ERRFI1: variants seen among roughly 807,000 people sequenced by gnomAD.
ERRFI1 encodes ERBB receptor feedback inhibitor 1.
ERRFI1 carries 12 observed loss-of-function variants against 14.6 expected under a neutral mutation model. That is an observed-to-expected ratio of 0.82 (90% CI 0.53 to 1.33). The LOEUF is 1.33. Among genes scored for constraint, ERRFI1 ranks in the 40% most tolerant of loss-of-function variants. ERRFI1 has a pLI of 0.00. For missense variants in ERRFI1, 482 were observed against 572.1 expected, an observed-to-expected ratio of 0.84 and a Z score of 1.61; for synonymous variants, 202 against 209.9, an observed-to-expected ratio of 0.96 and a Z score of 0.32.
chr1:8,017,771 T>C (rs1430615945), intron 1 of ERRFI1, among the ~76,000 whole-genome samples: 1 of 152,188 alleles, frequency 6.6e-6, no homozygotes, highest in African/African-American at 2.4e-5. Context: ...AACCCCCACC[T>C]GTCTGCAAGC....
chr1:8,016,789 T>C (rs1370150466), intron 1 of ERRFI1, among the ~76,000 whole-genome samples: 1 of 152,120 alleles, frequency 6.6e-6, no homozygotes, highest in African/African-American at 2.4e-5. Flanking sequence ...TCTCACTAAA[T>C]ATTAGTAAGG....
intron 2 of ERRFI1, 53 bp downstream of exon 2, chr1:8,015,442 T>C: frequency 6.2e-7 from 1 of 1,614,092 alleles, no homozygotes; most frequent in Non-Finnish European, 8.5e-7. Flanking sequence ...GCCTCTCCCA[T>C]TTTAGTGTCA....
At chr1:8,015,096 T>C in intron 3 of ERRFI1, 2 of 562,074 alleles carry the variant, frequency 3.6e-6, no homozygotes, top group Non-Finnish European at 6.4e-6. Flanking sequence ...ACAGTCCTAC[T>C]TAGCAATCAG....
chr1:8,025,472 G>C (rs12757806), intron 1 of ERRFI1, among the ~76,000 whole-genome samples: 1 of 152,144 alleles, frequency 6.6e-6, no homozygotes, highest in Non-Finnish European at 1.5e-5. Context: ...GAACAGCTTA[G>C]ACGAATTTTT....
chr1:8,014,059 G>A lies in ERRFI1; in HGVS notation c.540C>T (p.Asp180=), dbSNP rs2124060128. The change falls in exon 4 of 4, where the codon GAC becomes GAT. Residue 180 remains aspartate (D), a synonymous_variant. Transcript: ENST00000377482. ...AAAGTGTAGAGTCTTCTAAAAGGAA[G>A]TCTGTATCTGAGCTAGTTAGGAATT... is the stretch of plus-strand genomic sequence containing the variant. The part of the protein sequence containing the change: ...EVEFLTSSDT[D]FLLEDSTLSD... 6.2e-6 allele frequency: 10 copies of A among 1,614,188 alleles called. No individual in the cohort carries two copies. Among genetic ancestry groups the A allele is most frequent in the Non-Finnish European group, 8.5e-6 (10 of 1,180,038 alleles).
At chr1:8,025,792 G>A (rs1256009645) in intron 1 of ERRFI1, among the ~76,000 whole-genome samples, 1 of 152,120 alleles carries the variant, frequency 6.6e-6, no homozygotes, top group African/African-American at 2.4e-5. Context: ...CTGCGGTCCC[G>A]GTGCTGCGGG....
chr1:8,013,055 G>A lies in ERRFI1; in HGVS notation c.*155C>T, dbSNP rs74053414. The A allele has an allele frequency of 6.6e-3, 4,275 of 646,170 alleles. 136 individuals carry two copies. The African/African-American group carries it at 0.068, about 10-fold the overall frequency. 40.0% of individuals were successfully genotyped at this position (646,170 alleles called of 1,614,324 possible). A position where few individuals can be genotyped will look rare whatever the true frequency, so the allele number is the denominator to read the frequency against. On this transcript the variant is annotated 3_prime_UTR_variant, in exon 4 of 4. Coordinates refer to ENST00000377482, the MANE Select transcript of ERRFI1 (RefSeq NM_018948.4). The surrounding 1 kb of genome is among the most constrained non-coding windows in gnomAD (Gnocchi z 4.3). ...AAAGTCAGGGTTTCTCAGCATAACA[G>A]CATCTCACAACTGCTCTAAACCTTC...
intron 1 of ERRFI1, among the ~76,000 whole-genome samples, chr1:8,024,633 C>A (rs758871696): frequency 6.6e-6 from 1 of 152,154 alleles, no homozygotes; most frequent in Non-Finnish European, 1.5e-5. Context: ...CCCTGGAACA[C>A]ACAGGTGAAA....
At chr1:8,015,714 A>G in intron 1 of ERRFI1, 22 bp from the exon 2 acceptor site, 1 of 1,497,506 alleles carries the variant, frequency 6.7e-7, no homozygotes, top group Non-Finnish European at 9.1e-7. Context: ...AAGAGATGAG[A>G]GAATAAAGAA....
chr1:8,025,446 G>C (rs544207307), intron 1 of ERRFI1, among the ~76,000 whole-genome samples: 2 of 152,310 alleles, frequency 1.3e-5, no homozygotes, highest in East Asian at 1.9e-4. Context: ...GTTTCTAGGA[G>C]AGAAGGAAGA....
At chr1:8,021,080 G>C (rs936105185) in intron 1 of ERRFI1, among the ~76,000 whole-genome samples, 1 of 152,118 alleles carries the variant, frequency 6.6e-6, no homozygotes, top group Non-Finnish European at 1.5e-5. Flanking sequence ...GTTCAGTGTG[G>C]CAAAGATGAA....
rs761453214 is a variant in ERRFI1, at chr1:8,014,376, G to C, written c.223C>G (p.Pro75Ala). The change falls in exon 4 of 4, where the codon CCG becomes GCG. Residue 75 changes from proline to alanine, a missense_variant. By Grantham distance (27) the Pro-to-Ala change is conservative. Transcript: ENST00000377482. ...IPLGHASKSA[P>A]MNGHCFAENG... ...TCTGCAAAGCAGTGGCCATTCATCG[G>C]AGCAGATTTGGAAGCATGCCCTGGA... 4.4e-6 allele frequency: 7 copies of C among 1,587,814 alleles called. No homozygotes were observed. The Admixed American group carries it at 8.8e-5, about 20-fold the overall frequency.
intron 1 of ERRFI1, 79 bp from the exon 2 acceptor site, chr1:8,015,771 G>A: frequency 1.1e-6 from 1 of 918,496 alleles, no homozygotes; most frequent in Non-Finnish European, 1.6e-6. Context: ...TTACAGCAAA[G>A]CTAACAGAGG....
intron 1 of ERRFI1, among the ~76,000 whole-genome samples, chr1:8,016,613 C>T (rs373831821): frequency 1.2e-4 from 18 of 152,254 alleles, no homozygotes; most frequent in African/African-American, 4.1e-4. Flanking sequence ...TTTTATTATT[C>T]GTTATGTGTT....
At position 8,013,635 on chromosome 1, in the gene ERRFI1, T is replaced by C; in HGVS notation, c.964A>G (p.Arg322Gly). The stretch of plus-strand genomic sequence containing the variant: ...GAGTTACTCGGTGACAAAGGTTCTC[T>C]TGGCGGTACTTTGGGAGGCCTGTCT... ...DEDRPPKVPP[R>G]EPLSPSNSRT... Residue 322 changes from arginine (R) to glycine (G), a missense_variant, in exon 4 of 4, where the codon AGA (arginine) becomes GGA (glycine). By Grantham distance (125) the Arg-to-Gly change is moderately radical (BLOSUM62 -2). Coordinates refer to ENST00000377482, the MANE Select transcript of ERRFI1 (RefSeq NM_018948.4). This position sits in a 1 kb window ranked among gnomAD's most constrained non-coding sequence, Gnocchi z 4.3. The C allele has an allele frequency of 1.2e-6, 2 of 1,614,190 alleles. No individual in the cohort carries two copies. The highest frequency in any genetic ancestry group is 1.7e-6 in the Non-Finnish European group (2 of 1,180,046).
Position 8,015,312 on chromosome 1 carries a change from T to G in ERRFI1, c.198A>C (p.Pro66=), listed in dbSNP as rs147802351. The change falls in exon 3 of 4, where the codon CCA becomes CCC. Residue 66 remains proline (P), a synonymous_variant. Coordinates refer to ENST00000377482, the MANE Select transcript of ERRFI1 (RefSeq NM_018948.4). ...TCAGATTTTCAGAATACATACCAAG[T>G]GGTATTAGGCGCTCCTGAGCAGAAG... ...LNSSAQERLI[P]LGHASKSAPM... 173 of 1,613,624 alleles carry G rather than the reference T, an allele frequency of 1.1e-4. No individual in the cohort carries two copies. In the African/African-American group the frequency reaches 2.0e-3, roughly 18 times the overall value.
intron 1 of ERRFI1, among the ~76,000 whole-genome samples, chr1:8,024,457 A>C (rs991702470): frequency 1.3e-5 from 2 of 152,240 alleles, no homozygotes; most frequent in African/African-American, 4.8e-5. Context: ...TTAAAAGGTA[A>C]AACATGCTTT....
chr1:8,014,134 C>T lies in ERRFI1; in HGVS notation c.465G>A (p.Pro155=), dbSNP rs141231690. The change falls in exon 4 of 4, where the codon CCG becomes CCA. Residue 155 remains proline (P), a synonymous_variant. Transcript: ENST00000377482. ...GAGAGAGGGCTTCAGAGATTGGCAA[C>T]GGTGGAAGAGGCCTAGAACCCCGTT... ...LCERGSRPLP[P]LPISEALSLD... 4.5e-5 allele frequency: 73 copies of T among 1,613,992 alleles called. No homozygotes were observed. The highest frequency in any genetic ancestry group is 2.3e-4 in the Admixed American group (14 of 59,994).
chr1:8,024,528 G>A (rs1255259470), intron 1 of ERRFI1, among the ~76,000 whole-genome samples: 1 of 152,146 alleles, frequency 6.6e-6, no homozygotes, highest in South Asian at 2.1e-4. Flanking sequence ...AGCTATACAA[G>A]GCAGAGTGCC....
Sources: allele counts gnomAD v4.1 joint callset (sites outside exome capture counted in the v4.1 genomes callset), GRCh38; gene constraint gnomAD v4.1.1; non-coding constraint Gnocchi (gnomAD v3.1); transcripts MANE v1.5; gene names NCBI Gene and HGNC (gene_info 2026-07-23, HGNC 2026-07-21).